DPH6: variants seen among roughly 807,000 people sequenced by gnomAD.
DPH6 encodes diphthamine biosynthesis 6, also known as diphthine--ammonia ligase.
A neutral mutation model predicts 38.2 loss-of-function variants in DPH6; 33 were observed. The ratio of observed to expected loss-of-function variants is 0.86; its 90% CI spans 0.65 to 1.15. The LOEUF (loss-of-function observed/expected upper bound fraction) is 1.15. DPH6 is among the 50% of genes most tolerant of loss of function. The pLI is 0.00. For missense variants in DPH6, 325 were observed against 320.0 expected (o/e 1.02, Z -0.12); for synonymous variants, 108 against 103.0 (o/e 1.05, Z -0.30).
intron 3 of DPH6, among the ~76,000 whole-genome samples, chr15:35,251,390 C>T (rs1595446887): frequency 6.6e-6 from 1 of 152,254 alleles, no homozygotes; most frequent in East Asian, 1.9e-4. Flanking sequence ...CACTGTTTTC[C>T]TGCTTCCTTT....
At chr15:35,355,381 C>G (rs184551576) in intron 3 of DPH6, among the ~76,000 whole-genome samples, 2 of 152,134 alleles carry the variant, frequency 1.3e-5, no homozygotes, top group Non-Finnish European at 2.9e-5. Flanking sequence ...TTGCTAGCCT[C>G]GATGGTCTTT....
At chr15:35,499,124 T>C (rs2054593454) in intron 3 of DPH6, among the ~76,000 whole-genome samples, 1 of 152,066 alleles carries the variant, frequency 6.6e-6, no homozygotes, top group Admixed American at 6.6e-5. Context: ...AGTCTATACT[T>C]TTCCATTTTT....
chr15:35,279,853 G>A (rs543747820), intron 3 of DPH6, among the ~76,000 whole-genome samples: 17 of 152,232 alleles, frequency 1.1e-4, no homozygotes, highest in African/African-American at 3.4e-4. Context: ...AACCCTCAAC[G>A]TGACTGTATT....
At chr15:35,313,582 T>C (rs2140830498) in intron 3 of DPH6, among the ~76,000 whole-genome samples, 1 of 152,314 alleles carries the variant, frequency 6.6e-6, no homozygotes, top group South Asian at 2.1e-4. Flanking sequence ...CTAGGTATTA[T>C]ATATTATTCG....
Position 35,543,234 on chromosome 15 carries a change from A to G in DPH6, c.24-727T>C, listed in dbSNP as rs972675199. Among the ~76,000 whole-genome samples, 16 of 143,712 alleles carry G rather than the reference A, an allele frequency of 1.1e-4. 1 individual carries two copies. The highest frequency in any genetic ancestry group is 3.9e-4 in the African/African-American group (15 of 38,608). 94.3% of individuals were successfully genotyped at this position (143,712 alleles called of 152,430 possible). A position where few individuals can be genotyped will look rare whatever the true frequency, so the allele number is the denominator to read the frequency against. On this transcript the variant is annotated intron_variant, in intron 1 of 8. Coordinates refer to ENST00000256538, the MANE Select transcript of DPH6 (RefSeq NM_080650.4). ...ATCAGCACTTCAGCCATCTCTACAC[A>G]TACATATAGTACACACATACACATA...
At chr15:35,429,638 A>G (rs1328868392) in intron 5 of DPH6, among the ~76,000 whole-genome samples, 1 of 152,124 alleles carries the variant, frequency 6.6e-6, no homozygotes, top group Non-Finnish European at 1.5e-5. Context: ...TTATGGGTTA[A>G]TTATTAAGTC....
At chr15:35,400,724 C>A (rs909591588) in intron 6 of DPH6, 21 of 721,846 alleles carry the variant, frequency 2.9e-5, no homozygotes, top group Admixed American at 5.6e-5. Flanking sequence ...AGGGCCTGAA[C>A]AGCTGAGGAA....
At chr15:35,497,426 A>G (rs1418821386) in intron 3 of DPH6, among the ~76,000 whole-genome samples, 1 of 152,220 alleles carries the variant, frequency 6.6e-6, no homozygotes, top group Admixed American at 6.5e-5. Context: ...TATACAGCAG[A>G]GTTAGAATTG....
chr15:35,146,396 A>C, the DPH6 span, among the ~76,000 whole-genome samples: 1 of 152,130 alleles, frequency 6.6e-6, no homozygotes, highest in Non-Finnish European at 1.5e-5. Flanking sequence ...TTTTGTTTTA[A>C]TATTTCATTT....
chr15:35,183,382 C>G, the DPH6 span, among the ~76,000 whole-genome samples: 1 of 152,184 alleles, frequency 6.6e-6, no homozygotes, highest in Non-Finnish European at 1.5e-5. Flanking sequence ...TGCGCCTCTA[C>G]TGCTTCAAGT....
rs555126176 is a variant in DPH6 at position 35,319,764 on chromosome 15, A to C, written n.200+53757T>G. ...CAAGAAATATATGTATTTCTTACAT[A>C]TATTTATTTATAATAATATATAATA... On this transcript the variant is annotated intron_variant and non_coding_transcript_variant, in intron 3 of 3. Coordinates refer to the DPH6 transcript ENST00000560386. 3.3e-5 allele frequency among the ~76,000 whole-genome samples: 5 copies of C among 151,546 alleles called. No individual in the cohort carries two copies. In the South Asian group the frequency reaches 1.0e-3, roughly 31 times the overall value.
chr15:35,295,230 T>C (rs2052007061), intron 3 of DPH6, among the ~76,000 whole-genome samples: 2 of 152,160 alleles, frequency 1.3e-5, no homozygotes, highest in Admixed American at 1.3e-4. Context: ...ATTAAACCCA[T>C]CTGCTACCCA....
the DPH6 span, among the ~76,000 whole-genome samples, chr15:35,205,268 T>C: frequency 6.6e-6 from 1 of 152,006 alleles, no homozygotes; most frequent in Non-Finnish European, 1.5e-5. Context: ...CTCTATGCCA[T>C]TTTAATCATT....
At chr15:35,469,650 G>A (rs2054172083) in intron 3 of DPH6, among the ~76,000 whole-genome samples, 1 of 152,172 alleles carries the variant, frequency 6.6e-6, no homozygotes, top group Non-Finnish European at 1.5e-5. Context: ...TGGGGAAGAT[G>A]TTGAGTGCCA....
At chr15:35,392,652 G>T (rs2053076193) in intron 6 of DPH6, among the ~76,000 whole-genome samples, 1 of 152,184 alleles carries the variant, frequency 6.6e-6, no homozygotes, top group African/African-American at 2.4e-5. Context: ...TTATTGTCTT[G>T]TATAGACCAA....
chr15:35,163,890 G>C, the DPH6 span, among the ~76,000 whole-genome samples: 1 of 151,808 alleles, frequency 6.6e-6, no homozygotes, highest in Non-Finnish European at 1.5e-5. Context: ...AGGGAACAGA[G>C]GGTCTACAGA....
chr15:35,246,424 T>C (rs1302249923), intron 3 of DPH6, among the ~76,000 whole-genome samples: 2 of 152,232 alleles, frequency 1.3e-5, no homozygotes, highest in Non-Finnish European at 2.9e-5. Context: ...AATGATAATT[T>C]GGATATTTAG....
At chr15:35,205,562 T>C in the DPH6 span, among the ~76,000 whole-genome samples, 1 of 152,092 alleles carries the variant, frequency 6.6e-6, no homozygotes, top group African/African-American at 2.4e-5. Context: ...ATTGATCTTA[T>C]CAAAATTTAG....
chr15:35,350,296 A>G (rs1031640847), intron 3 of DPH6, among the ~76,000 whole-genome samples: 3 of 137,234 alleles, frequency 2.2e-5, no homozygotes, highest in Non-Finnish European at 3.1e-5. Context: ...GTCTTCTTTC[A>G]TTTCTGATTT....
Sources: gnomAD v4.1 joint callset for allele counts (sites outside exome capture counted in the v4.1 genomes callset) on GRCh38, gnomAD v4.1.1 for gene constraint, MANE v1.5 for transcripts, NCBI Gene and HGNC (gene_info 2026-07-23, HGNC 2026-07-21) for gene names.